The following EEF2 variants were observed in gnomAD, a reference collection of about 807,000 sequenced individuals.
EEF2 encodes eukaryotic translation elongation factor 2.
EEF2 carries 21 observed loss-of-function variants against 85.3 expected under a neutral mutation model. The ratio of observed to expected loss-of-function variants is 0.25; its 90% CI spans 0.17 to 0.35. EEF2 has a LOEUF of 0.35. Among genes scored for constraint, EEF2 ranks in the 10% least tolerant of loss-of-function variants. The pLI is 1.00. For missense variants in EEF2, 825 were observed against 1,225.3 expected, an observed-to-expected ratio of 0.67 and a Z score of 4.88; for synonymous variants, 723 against 508.8, an observed-to-expected ratio of 1.42 and a Z score of -5.67.
chr19:3,983,296 TGGAG>T lies in EEF2; in HGVS notation c.219-9_219-6del. 1 of 1,612,074 alleles carries T rather than the reference TGGAG, an allele frequency of 6.2e-7. No individual in the cohort carries two copies. Among genetic ancestry groups the T allele is most frequent in the Non-Finnish European group, 8.5e-7 (1 of 1,178,964 alleles). On this transcript the variant is annotated splice_region_variant and splice_polypyrimidine_tract_variant and intron_variant, in intron 2 of 14. Coordinates refer to ENST00000309311, the MANE Select transcript of EEF2 (RefSeq NM_001961.4). ...TCGTAGAAGAGGGAGATGGCACTGA[TGGAG>T]GGAGGGACTCGTCAGGGGGACAGGA... is the stretch of plus-strand genomic sequence containing the variant.
rs775031599 is a variant in EEF2 at position 3,977,297 on chromosome 19, C to T, written c.2301G>A (p.Arg767=). The change falls in exon 14 of 15, where the codon CGG becomes CGA. Residue 767 remains arginine (R), a synonymous_variant. Coordinates refer to ENST00000309311, the MANE Select transcript of EEF2 (RefSeq NM_001961.4). This position sits in a 1 kb window ranked among gnomAD's most constrained non-coding sequence, Gnocchi z 5.4. The stretch of plus-strand genomic sequence containing the variant: ...CCTGGGACTCCTCGAACACGTGGCC[C>T]CGCTTCCTGTTCAAAACCCCGTAGA... ...GGIYGVLNRK[R]GHVFEESQVA... is the part of the protein sequence containing the mutation. The T allele has an allele frequency of 1.4e-5, 23 of 1,606,208 alleles. No homozygotes were observed. The highest frequency in any genetic ancestry group is 1.7e-5 in the Non-Finnish European group (20 of 1,176,492).
intron 9 of EEF2, 109 bp from the exon 10 acceptor site, chr19:3,980,175 G>A (rs921353981): frequency 5.5e-6 from 8 of 1,457,600 alleles, no homozygotes; most frequent in African/African-American, 1.4e-5. Context: ...AGGTCCCAGG[G>A]CAGACTGGTG....
Position 3,980,639 on chromosome 19 carries a change from T to C in EEF2, c.1221A>G (p.Lys407=), listed in dbSNP as rs1001197217. 23 of 1,614,000 alleles carry C rather than the reference T, an allele frequency of 1.4e-5. No individual in the cohort carries two copies. The highest frequency in any genetic ancestry group is 1.9e-5 in the Non-Finnish European group (22 of 1,180,010). ...CTCGTCCAAAGGCGTAGAACCGACC[T>C]TTGTCGGAGGTTGGCACCATTTTGG... The part of the protein sequence containing the change: ...YISKMVPTSD[K]GRFYAFGRVF... Residue 407 remains lysine, a synonymous_variant, in exon 9 of 15, where the codon AAA becomes AAG. Coordinates refer to ENST00000309311, the MANE Select transcript of EEF2 (RefSeq NM_001961.4).
In EEF2 at chr19:3,983,110, C is replaced by G; in HGVS notation, c.400G>C (p.Gly134Arg). 6.2e-7 allele frequency: 1 copy of G among 1,613,798 alleles called. No homozygotes were observed. Among genetic ancestry groups the G allele is most frequent in the Non-Finnish European group, 8.5e-7 (1 of 1,179,790 alleles). The stretch of plus-strand genomic sequence containing the variant: ...TGCCTCAGGGGGACCCACTGCTTAC[C>G]TGACACGCAGTCCACCACCACCAAT... ...GALVVVDCVSGVCVQTETVLR... is the reference protein window; with the variant it reads ...GALVVVDCVSRVCVQTETVLR... Residue 134 changes from glycine (G) to arginine (R), a missense_variant and splice_region_variant, in exon 3 of 15, where the codon GGC becomes CGC. By Grantham distance (125) the Gly-to-Arg change is moderately radical. Transcript: ENST00000309311.
In EEF2 at chr19:3,977,740, T is replaced by C. The variant is rs1160023718; in HGVS notation, c.2067+79A>G. On this transcript the variant is annotated intron_variant, in intron 12 of 14. Coordinates refer to ENST00000309311, the MANE Select transcript of EEF2 (RefSeq NM_001961.4). The surrounding 1 kb of genome is among the most constrained non-coding windows in gnomAD (Gnocchi z 5.4). ...CCCGCCTTGGCCCCATTAGGGTCTCTGTCTCGGGAGGCAGGACCATGAGGT... is the reference window on the plus strand; with the variant it reads ...CCCGCCTTGGCCCCATTAGGGTCTCCGTCTCGGGAGGCAGGACCATGAGGT... The C allele has an allele frequency of 7.4e-6, 11 of 1,493,200 alleles. No individual in the cohort carries two copies. The highest frequency in any genetic ancestry group is 1.4e-5 in the African/African-American group (1 of 71,648). 92.5% of individuals were successfully genotyped at this position (1,493,200 alleles called of 1,614,324 possible).
Position 3,977,944 on chromosome 19 carries a change from T to C in EEF2, c.1942A>G (p.Lys648Glu). 1 of 1,613,536 alleles carries C rather than the reference T, an allele frequency of 6.2e-7. No homozygotes were observed. The highest frequency in any genetic ancestry group is 8.5e-7 in the Non-Finnish European group (1 of 1,179,988). The change falls in exon 12 of 15, where the codon AAG becomes GAG. Residue 648 changes from lysine to glutamate, a missense_variant. Transcript: ENST00000309311. This position sits in a 1 kb window ranked among gnomAD's most constrained non-coding sequence, Gnocchi z 5.4. Reference sequence around the variant, plus strand: ...CCGTCGGGCCCAAAGCACCAGATCTTGCGGGCCTCAGCCACGTCCCACTCG... The same window carrying C: ...CCGTCGGGCCCAAAGCACCAGATCTCGCGGGCCTCAGCCACGTCCCACTCG... The part of the protein sequence containing the change: ...KYEWDVAEAR[K>E]IWCFGPDGTG...
chr19:3,980,390 C>G, intron 9 of EEF2, 124 bp downstream of exon 9: 2 of 1,258,486 alleles, frequency 1.6e-6, no homozygotes, highest in Non-Finnish European at 2.2e-6. Flanking sequence ...GTGGCTGGCA[C>G]AAGTATCACC....
At chr19:3,980,458 A>AGCAGG in intron 9 of EEF2, 56 bp downstream of exon 9, 1 of 1,552,442 alleles carries the variant, frequency 6.4e-7, no homozygotes, top group East Asian at 2.3e-5. Flanking sequence ...CAAGACTTGG[A>AGCAGG]GCAGGGCAGG....
chr19:3,978,147 C>T lies in EEF2; in HGVS notation c.1739G>A (p.Arg580His), dbSNP rs2039700125. 4.1e-6 allele frequency: 6 copies of T among 1,455,286 alleles called. No homozygotes were observed. The highest frequency in any genetic ancestry group is 1.4e-5 in the African/African-American group (1 of 70,274). The allele number at this position is 1,455,286 out of a possible 1,614,324, so 90.1% of individuals were successfully genotyped here. A position where few individuals can be genotyped will look rare whatever the true frequency, so the allele number is the denominator to read the frequency against. The change falls in exon 12 of 15, where the codon CGC becomes CAC. Residue 580 changes from arginine to histidine, a missense_variant. Transcript: ENST00000309311. ...GTTCGACTCTTCACTGACCGTCTCG[C>T]GGTACGAGACGACCGGGTCAGATTT... ...IKKSDPVVSY[R>H]ETVSEESNVL...
In EEF2 at chr19:3,977,176, C is replaced by T. The variant is rs761019324; in HGVS notation, c.2383+39G>A. On this transcript the variant is annotated intron_variant, in intron 14 of 14. Coordinates refer to ENST00000309311, the MANE Select transcript of EEF2 (RefSeq NM_001961.4). This position sits in a 1 kb window ranked among gnomAD's most constrained non-coding sequence, Gnocchi z 5.4. ...ACTGGGCTTCTGTCCCCCAAACCAG[C>T]CTGCCAGGCTCTGCAGGCCACACCG... 6.2e-7 allele frequency: 1 copy of T among 1,600,450 alleles called. No homozygotes were observed. Among genetic ancestry groups the T allele is most frequent in the Non-Finnish European group, 8.5e-7 (1 of 1,171,586 alleles).
In EEF2 at chr19:3,977,317, C is replaced by T; in HGVS notation, c.2281G>A (p.Gly761Arg). 1 of 1,598,934 alleles carries T rather than the reference C, an allele frequency of 6.3e-7. No individual in the cohort carries two copies. Among genetic ancestry groups the T allele is most frequent in the Non-Finnish European group, 8.5e-7 (1 of 1,173,084 alleles). Reference sequence around the variant, plus strand: ...TGGCCCCGCTTCCTGTTCAAAACCCCGTAGATGCCACCGACCACCTGCTCT... The same window carrying T: ...TGGCCCCGCTTCCTGTTCAAAACCCTGTAGATGCCACCGACCACCTGCTCT... ...CPEQVVGGIYGVLNRKRGHVF... is the reference protein window; with the variant it reads ...CPEQVVGGIYRVLNRKRGHVF... The change falls in exon 14 of 15, where the codon GGG becomes AGG. Residue 761 changes from glycine to arginine, a missense_variant. Transcript: ENST00000309311. The surrounding 1 kb of genome is among the most constrained non-coding windows in gnomAD (Gnocchi z 5.4).
In EEF2 at chr19:3,980,978, G is replaced by T. The variant is rs866096212; in HGVS notation, c.1013C>A (p.Ala338Asp). The change falls in exon 8 of 15, where the codon GCT (alanine) becomes GAT (aspartate). Residue 338 changes from alanine to aspartate, a missense_variant and splice_region_variant. Physicochemically the swap from Ala to Asp is moderately radical, Grantham distance 126 (BLOSUM62 -2). Coordinates refer to ENST00000309311, the MANE Select transcript of EEF2 (RefSeq NM_001961.4). ...GGCAGGCAGCCAGCGGCGCATCACA[G>T]CCTGCGGGGGCAGAGAGCGGTGCAT... is the stretch of plus-strand genomic sequence containing the variant. ...KDKEGKPLLK[A>D]VMRRWLPAGD... 6.4e-7 allele frequency: 1 copy of T among 1,569,860 alleles called. No homozygotes were observed. Among genetic ancestry groups the T allele is most frequent in the Non-Finnish European group, 8.6e-7 (1 of 1,159,132 alleles).
At position 3,978,055 on chromosome 19, in the gene EEF2, C is replaced by A; in HGVS notation, c.1831G>T (p.Asp611Tyr). 3 of 1,589,502 alleles carry A rather than the reference C, an allele frequency of 1.9e-6. No homozygotes were observed. The highest frequency in any genetic ancestry group is 2.6e-6 in the Non-Finnish European group (3 of 1,164,718). Residue 611 changes from aspartate to tyrosine, a missense_variant, in exon 12 of 15, where the codon GAC becomes TAC. Transcript: ENST00000309311. The part of the protein sequence containing the change: ...RLYMKARPFP[D>Y]GLAEDIDKGE... ...TTATCGATGTCCTCGGCCAGGCCGT[C>A]GGGGAAGGGCCGCGCCTTCATGTAC...
rs535967551 is a variant in EEF2, at chr19:3,979,708, C to A, written c.1605+100G>T. 7 of 1,516,552 alleles carry A rather than the reference C, an allele frequency of 4.6e-6. No homozygotes were observed. In the Admixed American group the frequency reaches 1.3e-4, roughly 28 times the overall value. 93.9% of individuals were successfully genotyped at this position (1,516,552 alleles called of 1,614,324 possible). A position where few individuals can be genotyped will look rare whatever the true frequency, so the allele number is the denominator to read the frequency against. On this transcript the variant is annotated intron_variant, in intron 10 of 14. Coordinates refer to ENST00000309311, the MANE Select transcript of EEF2 (RefSeq NM_001961.4). Reference sequence around the variant, plus strand: ...GAACCCCTCCTTTCATGACCAGTCACCCCAATCCACCAACCACAGCAACCC... The same window carrying A: ...GAACCCCTCCTTTCATGACCAGTCAACCCAATCCACCAACCACAGCAACCC...
In EEF2 at chr19:3,979,402, G is replaced by C. The variant is rs754598854; in HGVS notation, c.1640C>G (p.Ala547Gly). Residue 547 changes from alanine (A) to glycine (G), a missense_variant, in exon 11 of 15, where the codon GCG (alanine) becomes GGG (glycine). Transcript: ENST00000309311. ...IIEESGEHII[A>G]GAGELHLEIC... The stretch of plus-strand genomic sequence containing the variant: ...CTCCAGGTGCAGCTCGCCGGCGCCC[G>C]CGATGATATGCTCTCCCGACTCCTC... 6.2e-7 allele frequency: 1 copy of C among 1,613,902 alleles called. No homozygotes were observed. Among genetic ancestry groups the C allele is most frequent in the Non-Finnish European group, 8.5e-7 (1 of 1,180,000 alleles).
intron 10 of EEF2, 106 bp downstream of exon 10, chr19:3,979,702 C>T (rs1004302156): frequency 1.3e-6 from 2 of 1,493,480 alleles, no homozygotes; most frequent in African/African-American, 1.4e-5. Flanking sequence ...CTTTCATGAC[C>T]AGTCACCCCA....
At position 3,981,349 on chromosome 19, in the gene EEF2, G is replaced by A. The variant is rs2039744396; in HGVS notation, c.1001C>T (p.Pro334Leu). ...GGGCCCAGGCCGCACCTTCAGCAGGGGTTTGCCTTCTTTGTCCTTGTCCTC... is the reference window on the plus strand; with the variant it reads ...GGGCCCAGGCCGCACCTTCAGCAGGAGTTTGCCTTCTTTGTCCTTGTCCTC... ...DSEDKDKEGK[P>L]LLKAVMRRWL... Residue 334 changes from proline (P) to leucine (L), a missense_variant, in exon 7 of 15, where the codon CCC (proline) becomes CTC (leucine). Physicochemically the swap from Pro to Leu is moderately conservative, Grantham distance 98 (BLOSUM62 -3). Transcript: ENST00000309311. The A allele has an allele frequency of 1.9e-6, 3 of 1,614,148 alleles. No individual in the cohort carries two copies. The highest frequency in any genetic ancestry group is 1.1e-5 in the South Asian group (1 of 91,084).
In EEF2 at chr19:3,982,321, T is replaced by C. The variant is rs2039761131; in HGVS notation, c.716A>G (p.Lys239Arg). Residue 239 changes from lysine (K) to arginine (R), a missense_variant, in exon 5 of 15, where the codon AAG (lysine) becomes AGG (arginine). By Grantham distance (26) the Lys-to-Arg change is conservative. Coordinates refer to ENST00000309311, the MANE Select transcript of EEF2 (RefSeq NM_001961.4). The part of the protein sequence containing the change: ...AEMYVAKFAA[K>R]GEGQLGPAER... Reference sequence around the variant, plus strand: ...GGCAGGCCCCAACTGGCCCTCCCCCTTGGCGGCGAACTTGGCCACATACAT... The same window carrying C: ...GGCAGGCCCCAACTGGCCCTCCCCCCTGGCGGCGAACTTGGCCACATACAT... 1 of 1,613,990 alleles carries C rather than the reference T, an allele frequency of 6.2e-7. No individual in the cohort carries two copies. The highest frequency in any genetic ancestry group is 2.2e-5 in the East Asian group (1 of 44,888).
intron 7 of EEF2, 81 bp downstream of exon 7, chr19:3,981,257 AG>A (rs2145362193): frequency 7.2e-7 from 1 of 1,387,326 alleles, no homozygotes; most frequent in Non-Finnish European, 1.0e-6. Flanking sequence ...TGAGGACTTC[AG>A]CCCCCAGGCC....
Sources: allele counts gnomAD v4.1 joint callset, GRCh38; gene constraint gnomAD v4.1.1; non-coding constraint Gnocchi (gnomAD v3.1); transcripts MANE v1.5; gene names NCBI Gene and HGNC (gene_info 2026-07-23, HGNC 2026-07-21).